Variants in ITFG2 observed in about 807,000 individuals in gnomAD.
The protein encoded by ITFG2 is integrin alpha FG-GAP repeat containing 2, also known as KICSTOR complex protein ITFG2.
A neutral mutation model predicts 54.4 loss-of-function variants in ITFG2; 36 were observed. The ratio of observed to expected loss-of-function variants is 0.66; its 90% CI spans 0.51 to 0.87. ITFG2 has a LOEUF of 0.87. Among genes scored for constraint, ITFG2 ranks in the 40% least tolerant of loss-of-function variants. The probability of loss-of-function intolerance (pLI) is 0.00; values close to 1 mark genes in which losing one functional copy is unlikely to be tolerated. For missense variants in ITFG2, 524 were observed against 576.7 expected (o/e 0.91, Z 0.94); for synonymous variants, 211 against 225.4 (o/e 0.94, Z 0.57).
At chr12:2,836,121 A>G (rs56934957), upstream of ITFG2, among the ~76,000 whole-genome samples, 1,588 of 152,338 alleles carry the variant, frequency 0.01, 21 homozygotes, top group African/African-American at 0.035. Context: ...GCATTTCTCT[A>G]GAGTATACAC....
chr12:2,858,541 T>C, intron 3 of ITFG2: 2 of 1,067,828 alleles, frequency 1.9e-6, no homozygotes, highest in Non-Finnish European at 2.7e-6. Context: ...AGCAGAACAG[T>C]CCCTGCCTGC....
chr12:2,850,247 G>A lies in ITFG2; in HGVS notation n.301-7765G>A, dbSNP rs544310896. ...TCCCAGCACTTTGGGAGGCCGAGGC[G>A]GGTGGATCACAAGGTCAAGAGTTCG... On this transcript the variant is annotated intron_variant and non_coding_transcript_variant, in intron 2 of 3. Coordinates refer to the ITFG2 transcript ENST00000537710. Among the ~76,000 whole-genome samples, 4 of 152,160 alleles carry A rather than the reference G, an allele frequency of 2.6e-5. No individual in the cohort carries two copies. The East Asian group carries it at 7.8e-4, about 29-fold the overall frequency.
At chr12:2,813,363 A>C (rs1041552246) in intron 1 of ITFG2, among the ~76,000 whole-genome samples, 1 of 152,178 alleles carries the variant, frequency 6.6e-6, no homozygotes, top group Non-Finnish European at 1.5e-5. Context: ...TGCTCACTTA[A>C]GTGTTAGTGG....
At chr12:2,814,860 AGAAAT>A (rs1427171457) in intron 1 of ITFG2, among the ~76,000 whole-genome samples, 1 of 152,158 alleles carries the variant, frequency 6.6e-6, no homozygotes, top group Non-Finnish European at 1.5e-5. Context: ...CAGAAAGAAA[AGAAAT>A]AAGAAACGTC....
chr12:2,814,406 T>G (rs2097916708), intron 1 of ITFG2, among the ~76,000 whole-genome samples: 1 of 152,230 alleles, frequency 6.6e-6, no homozygotes, highest in Non-Finnish European at 1.5e-5. Context: ...TATTACACAC[T>G]CACTTCTGCA....
At chr12:2,848,991 C>CAGTCCTCCCACCTTCGATGAG (rs1295838646) in intron 2 of ITFG2, 2 of 517,002 alleles carry the variant, frequency 3.9e-6, no homozygotes, top group East Asian at 3.5e-5. Context: ...CTCCTGGCCG[C>CAGTCCTCCCACCTTCGATGAG]AGTCCTCCCA....
At position 2,812,673 on chromosome 12, in the gene ITFG2, A is replaced by T; in HGVS notation, c.-88A>T. 1 of 1,031,904 alleles carries T rather than the reference A, an allele frequency of 9.7e-7. No homozygotes were observed. Among genetic ancestry groups the T allele is most frequent in the Non-Finnish European group, 1.5e-6 (1 of 659,378 alleles). 63.9% of individuals were successfully genotyped at this position (1,031,904 alleles called of 1,614,324 possible). A position where few individuals can be genotyped will look rare whatever the true frequency, so the allele number is the denominator to read the frequency against. On this transcript the variant is annotated 5_prime_UTR_variant, in exon 1 of 12. Transcript: ENST00000228799. ...AGGCAGTGACGTAACTTGCTGCCTT[A>T]GGTGGCCTTCCGCTCTGGCGGCTGT...
upstream of ITFG2, chr12:2,834,909 T>C (rs571982733): frequency 3.3e-5 from 53 of 1,613,504 alleles, 2 homozygotes; most frequent in South Asian, 4.4e-4. Flanking sequence ...TTCCTGCCTG[T>C]CTCTGTCCCG....
At chr12:2,836,599 T>A (rs943370256), upstream of ITFG2, 2 of 152,256 alleles carry the variant, frequency 1.3e-5, no homozygotes, top group African/African-American at 4.8e-5. Flanking sequence ...GGTTGAATTG[T>A]TTCCTTCACC....
intron 2 of ITFG2, among the ~76,000 whole-genome samples, chr12:2,842,356 C>T (rs1185537521): frequency 2.7e-5 from 4 of 149,924 alleles, no homozygotes; most frequent in African/African-American, 7.3e-5. Context: ...CTCCTGATCT[C>T]GTAATCCACC....
chr12:2,815,250 C>G (rs2097918833), intron 1 of ITFG2, among the ~76,000 whole-genome samples: 1 of 152,328 alleles, frequency 6.6e-6, no homozygotes, highest in African/African-American at 2.4e-5. Flanking sequence ...AGTATTAGTT[C>G]AATGTATTCT....
At chr12:2,837,450 C>G (rs907351866) in intron 1 of ITFG2, among the ~76,000 whole-genome samples, 1 of 151,758 alleles carries the variant, frequency 6.6e-6, no homozygotes, top group African/African-American at 2.4e-5. Flanking sequence ...TGCACTCCAG[C>G]CTAGGCGACA....
At chr12:2,850,948 A>C (rs2098068502) in intron 2 of ITFG2, among the ~76,000 whole-genome samples, 1 of 150,042 alleles carries the variant, frequency 6.7e-6, no homozygotes, top group Non-Finnish European at 1.5e-5. Flanking sequence ...CTGAGATTAC[A>C]AGCATGAGCC....
At chr12:2,840,104 CAA>C (rs59246625) in intron 1 of ITFG2, among the ~76,000 whole-genome samples, 21 of 104,758 alleles carry the variant, frequency 2.0e-4, no homozygotes, top group Admixed American at 1.9e-4. Context: ...TGAATCTAAC[CAA>C]AAAAAAAAAA....
downstream of ITFG2, among the ~76,000 whole-genome samples, chr12:2,829,242 A>C (rs2097987203): frequency 6.6e-6 from 1 of 152,250 alleles, no homozygotes; most frequent in African/African-American, 2.4e-5. Context: ...AGATATGAGT[A>C]ACCAAGAAGT....
chr12:2,849,413 G>A, intron 2 of ITFG2: 1 of 1,536,212 alleles, frequency 6.5e-7, no homozygotes, highest in Non-Finnish European at 8.7e-7. Context: ...TCCTGGTAGT[G>A]AGGCAGAGGG....
At chr12:2,829,554 G>A (rs1184957057), downstream of ITFG2, among the ~76,000 whole-genome samples, 6 of 151,564 alleles carry the variant, frequency 4.0e-5, no homozygotes, top group African/African-American at 1.2e-4. Context: ...TGGAAGGATC[G>A]CTTGAGGCCA....
chr12:2,824,569 G>T lies in ITFG2; in HGVS notation c.*376G>T, dbSNP rs1046666091. On this transcript the variant is annotated 3_prime_UTR_variant, in exon 12 of 12. Coordinates refer to ENST00000228799, the MANE Select transcript of ITFG2 (RefSeq NM_018463.4). ...AGGAAACCAGGCTTTAGGCCCAGGG[G>T]AGCAGTGGAGGTAAGGGCTCCACCC... 3.8e-5 allele frequency: 11 copies of T among 291,228 alleles called. No individual in the cohort carries two copies. Among genetic ancestry groups the T allele is most frequent in the Non-Finnish European group, 6.7e-6 (1 of 148,292 alleles). 18.0% of individuals were successfully genotyped at this position (291,228 alleles called of 1,614,324 possible).
intron 4 of ITFG2, among the ~76,000 whole-genome samples, chr12:2,818,876 G>T (rs1181755949): frequency 6.6e-6 from 1 of 151,970 alleles, no homozygotes; most frequent in Non-Finnish European, 1.5e-5. Context: ...AAAGTAGCCA[G>T]GCATGGTGGC....
Sources: allele counts gnomAD v4.1 joint callset (sites outside exome capture counted in the v4.1 genomes callset), GRCh38; gene constraint gnomAD v4.1.1; transcripts MANE v1.5; gene names NCBI Gene and HGNC (gene_info 2026-07-23, HGNC 2026-07-21).